TMEM156: variants seen among roughly 807,000 people sequenced by gnomAD.
TMEM156 encodes transmembrane protein 156.
TMEM156 carries 28 observed loss-of-function variants against 30.5 expected under a neutral mutation model. That is an observed-to-expected ratio of 0.92 (90% confidence interval 0.68 to 1.26). The LOEUF (loss-of-function observed/expected upper bound fraction) is 1.26. Ranked by LOEUF, TMEM156 falls within the 50% of genes most tolerant of loss-of-function variation. The pLI, the probability that TMEM156 is intolerant of heterozygous loss-of-function variation, is 0.00. For synonymous variants in TMEM156, 137 were observed against 119.9 expected, an observed-to-expected ratio of 1.14 and a Z score of -0.93; for missense variants, 351 against 340.6, an observed-to-expected ratio of 1.03 and a Z score of -0.24.
chr4:39,006,936 C>A (rs757544901), intron 1 of TMEM156, among the ~76,000 whole-genome samples: 1 of 151,952 alleles, frequency 6.6e-6, no homozygotes, highest in Admixed American at 6.6e-5. Context: ...GAGCAAGAAC[C>A]TGTCTAAAAC....
intron 1 of TMEM156, 28 bp from the exon 2 acceptor site, chr4:38,998,937 T>C: frequency 6.3e-7 from 1 of 1,579,364 alleles, no homozygotes; most frequent in Non-Finnish European, 8.6e-7. Flanking sequence ...AAACACTTTC[T>C]TTACTGTAAA....
chr4:38,987,829 A>T (rs1399636206), intron 4 of TMEM156, among the ~76,000 whole-genome samples: 1 of 152,084 alleles, frequency 6.6e-6, no homozygotes, highest in African/African-American at 2.4e-5. Flanking sequence ...TAGTACTAGG[A>T]CTCTAACATA....
intron 5 of TMEM156, among the ~76,000 whole-genome samples, chr4:38,982,625 T>A (rs1016469529): frequency 3.3e-5 from 5 of 152,200 alleles, no homozygotes; most frequent in African/African-American, 1.2e-4. Flanking sequence ...CCAGATATTA[T>A]GCTAGCAACA....
intron 1 of TMEM156, among the ~76,000 whole-genome samples, chr4:39,015,272 G>A (rs147130312): frequency 1.6e-3 from 244 of 152,256 alleles, no homozygotes; most frequent in African/African-American, 5.6e-3. Flanking sequence ...ACATGGCAAA[G>A]TGGAATTAAG....
intron 5 of TMEM156, among the ~76,000 whole-genome samples, chr4:38,978,770 T>C (rs1413568657): frequency 6.6e-6 from 1 of 152,212 alleles, no homozygotes; most frequent in East Asian, 1.9e-4. Context: ...TCTCAAGCTA[T>C]CTGCCAAGGA....
Position 38,997,431 on chromosome 4 carries a change from A to G in TMEM156, c.358+1209T>C, listed in dbSNP as rs536721472. Among the ~76,000 whole-genome samples the G allele has an allele frequency of 2.0e-5, 3 of 152,070 alleles. No individual in the cohort carries two copies. In the South Asian group the frequency reaches 6.2e-4, roughly 31 times the overall value. ...ATGTACACCCTGAATCTATAATGAT[A>G]TATTTTTTAAAAGAAGAGATACATA... On this transcript the variant is annotated intron_variant, in intron 2 of 6. Transcript: ENST00000381938.
At chr4:38,984,618 T>A (rs4596247) in intron 5 of TMEM156, among the ~76,000 whole-genome samples, 3 of 151,836 alleles carry the variant, frequency 2.0e-5, no homozygotes, top group African/African-American at 7.3e-5. Context: ...CCTTAAAAAC[T>A]GCACTCAAGG....
At chr4:39,007,489 G>T (rs1187797226) in intron 1 of TMEM156, among the ~76,000 whole-genome samples, 1 of 151,590 alleles carries the variant, frequency 6.6e-6, no homozygotes, top group African/African-American at 2.4e-5. Flanking sequence ...GTCTTGCTCT[G>T]TCACCAGGCT....
chr4:39,021,037 T>C (rs1352038725), intron 1 of TMEM156, among the ~76,000 whole-genome samples: 1 of 152,222 alleles, frequency 6.6e-6, no homozygotes, highest in East Asian at 1.9e-4. Context: ...AAAATTTCAA[T>C]TTGTATTTCC....
At position 39,032,309 on chromosome 4, in the gene TMEM156, G is replaced by C; in HGVS notation, c.5C>G (p.Thr2Arg). The change falls in exon 1 of 7, where the codon ACA becomes AGA. Residue 2 changes from threonine to arginine, a missense_variant. Coordinates refer to ENST00000381938, the MANE Select transcript of TMEM156 (RefSeq NM_024943.3). ...AAATAATTTAAGGAGGGCTGTTTTT[G>C]TCATGTCTCTTCACATGACACAAAT... MTKTALLKLFVA... is the reference protein window; with the variant it reads MRKTALLKLFVA... The C allele has an allele frequency of 6.2e-7, 1 of 1,601,208 alleles. No homozygotes were observed. The highest frequency in any genetic ancestry group is 8.5e-7 in the Non-Finnish European group (1 of 1,170,640).
intron 1 of TMEM156, among the ~76,000 whole-genome samples, chr4:39,008,560 A>T (rs1713898694): frequency 6.6e-6 from 1 of 152,040 alleles, no homozygotes; most frequent in African/African-American, 2.4e-5. Context: ...TGGCTTGTAA[A>T]TTTTTCTTTT....
At chr4:38,996,275 AAG>A (rs10563912) in intron 2 of TMEM156, among the ~76,000 whole-genome samples, 34,370 of 148,936 alleles carry the variant, frequency 0.23, 4,270 homozygotes, top group East Asian at 0.41. Flanking sequence ...AAAAAAAAAA[AAG>A]AACAGGTGCA....
chr4:39,012,672 G>A (rs1322668274), intron 1 of TMEM156, among the ~76,000 whole-genome samples: 2 of 152,220 alleles, frequency 1.3e-5, no homozygotes, highest in African/African-American at 4.8e-5. Flanking sequence ...CGGGCATGGT[G>A]GCTCACGCCT....
At chr4:38,984,806 C>G (rs1711854419) in intron 5 of TMEM156, among the ~76,000 whole-genome samples, 1 of 152,142 alleles carries the variant, frequency 6.6e-6, no homozygotes, top group Non-Finnish European at 1.5e-5. Context: ...TTGACCTACA[C>G]TAAACATTAA....
intron 6 of TMEM156, among the ~76,000 whole-genome samples, chr4:38,970,812 G>A (rs1178652256): frequency 6.6e-6 from 1 of 152,154 alleles, no homozygotes; most frequent in African/African-American, 2.4e-5. Context: ...AAGACTAACA[G>A]ATTAGTTTAA....
intron 1 of TMEM156, among the ~76,000 whole-genome samples, chr4:39,010,577 C>A (rs1577567255): frequency 6.6e-6 from 1 of 152,190 alleles, no homozygotes; most frequent in Middle Eastern, 3.4e-3. Context: ...GACACATAGA[C>A]TAATGCAACA....
chr4:38,982,356 G>C (rs896349507), intron 5 of TMEM156, among the ~76,000 whole-genome samples: 2 of 152,148 alleles, frequency 1.3e-5, no homozygotes, highest in Non-Finnish European at 2.9e-5. Flanking sequence ...ACTCAGCCTA[G>C]AGTTACTTTT....
At chr4:38,985,837 C>A (rs1288194298) in intron 5 of TMEM156, among the ~76,000 whole-genome samples, 2 of 152,210 alleles carry the variant, frequency 1.3e-5, no homozygotes, top group Non-Finnish European at 2.9e-5. Context: ...AACATCTGTG[C>A]TAACAGCCCC....
intron 5 of TMEM156, among the ~76,000 whole-genome samples, chr4:38,980,325 T>C (rs528111261): frequency 6.6e-6 from 1 of 152,374 alleles, no homozygotes; most frequent in African/African-American, 2.4e-5. Flanking sequence ...CATTTTCTTT[T>C]TATTATTTTG....
Sources: gnomAD v4.1 joint callset for allele counts (sites outside exome capture counted in the v4.1 genomes callset) on GRCh38, gnomAD v4.1.1 for gene constraint, MANE v1.5 for transcripts, NCBI Gene and HGNC (gene_info 2026-07-23, HGNC 2026-07-21) for gene names.